Variants in PITPNM3 observed in about 807,000 individuals in gnomAD.
The protein encoded by PITPNM3 is PITPNM family member 3.
Under a neutral mutation model 102.0 loss-of-function variants are expected in PITPNM3, and 26 were observed. That is an observed-to-expected ratio of 0.25 (90% confidence interval 0.19 to 0.35). The LOEUF (loss-of-function observed/expected upper bound fraction) is 0.35, where lower values mean the gene tolerates loss of function less well. Ranked by LOEUF, PITPNM3 falls within the 10% of genes least tolerant of loss-of-function variation. The pLI is 1.00. For synonymous variants in PITPNM3, 578 were observed against 558.6 expected (o/e 1.03, Z -0.49); for missense variants, 1,083 against 1,346.1 (o/e 0.80, Z 3.06).
intron 3 of PITPNM3, among the ~76,000 whole-genome samples, chr17:6,511,815 C>G (rs897663176): frequency 1.3e-5 from 2 of 152,118 alleles, no homozygotes; most frequent in African/African-American, 4.8e-5. Context: ...AACCCCATCT[C>G]TACTAAAAAT....
At chr17:6,524,609 C>A (rs777019870) in intron 3 of PITPNM3, among the ~76,000 whole-genome samples, 1 of 152,276 alleles carries the variant, frequency 6.6e-6, no homozygotes, top group South Asian at 2.1e-4. Flanking sequence ...CCCTCTCCTG[C>A]CTCCTGAAAG....
chr17:6,453,011 T>TCTCTGCCTTCCTGTCTTTCTCTCTCC lies in PITPNM3; in HGVS notation c.*2326_*2327insGGAGAGAGAAAGACAGGAAGGCAGAG, dbSNP rs1567655020. On this transcript the variant is annotated 3_prime_UTR_variant, in exon 20 of 20. Transcript: ENST00000262483. ...CTCTCTCTGTCTTCCTTTCTCTCTC[T>TCTCTGCCTTCCTGTCTTTCTCTCTCC]CTCTCTCTCTCTGCCTTCCTGTCTT... 7.8e-6 allele frequency: 1 copy of TCTCTGCCTTCCTGTCTTTCTCTCTCC among 128,720 alleles called. No individual in the cohort carries two copies. The highest frequency in any genetic ancestry group is 2.8e-5 in the African/African-American group (1 of 36,132). 8.0% of individuals were successfully genotyped at this position (128,720 alleles called of 1,614,324 possible). A position where few individuals can be genotyped will look rare whatever the true frequency, so the allele number is the denominator to read the frequency against.
At chr17:6,502,050 T>C (rs376390405) in intron 4 of PITPNM3, among the ~76,000 whole-genome samples, 1 of 152,252 alleles carries the variant, frequency 6.6e-6, no homozygotes, top group Non-Finnish European at 1.5e-5. Context: ...CATGGCCTGA[T>C]GCCCTTATGG....
chr17:6,505,029 C>A (rs2150610599), intron 3 of PITPNM3, among the ~76,000 whole-genome samples: 1 of 151,934 alleles, frequency 6.6e-6, no homozygotes, highest in African/African-American at 2.4e-5. Context: ...CAAAAACTAG[C>A]CAGGCGTGGT....
At chr17:6,480,679 A>T (rs1905614052) in intron 6 of PITPNM3, 1 of 152,380 alleles carries the variant, frequency 6.6e-6, no homozygotes, top group Non-Finnish European at 1.5e-5. Flanking sequence ...CCCCTGACTG[A>T]AAGTTCCAAA....
At chr17:6,493,510 G>A (rs1906620055) in intron 4 of PITPNM3, among the ~76,000 whole-genome samples, 1 of 152,248 alleles carries the variant, frequency 6.6e-6, no homozygotes, top group Non-Finnish European at 1.5e-5. Flanking sequence ...AGAGTGACCT[G>A]TGCTGACCTG....
At chr17:6,513,367 C>T (rs997226014) in intron 3 of PITPNM3, among the ~76,000 whole-genome samples, 1 of 152,088 alleles carries the variant, frequency 6.6e-6, no homozygotes, top group African/African-American at 2.4e-5. Flanking sequence ...GTAAAACTAC[C>T]TATTCAAAGA....
chr17:6,507,421 T>C (rs1907594158), intron 3 of PITPNM3, among the ~76,000 whole-genome samples: 3 of 151,760 alleles, frequency 2.0e-5, no homozygotes, highest in African/African-American at 7.3e-5. Flanking sequence ...CCGTCTCTAC[T>C]AAAAATACAA....
At chr17:6,495,527 C>G (rs972678650) in intron 4 of PITPNM3, among the ~76,000 whole-genome samples, 1 of 152,188 alleles carries the variant, frequency 6.6e-6, no homozygotes, top group African/African-American at 2.4e-5. Flanking sequence ...CATAAGAAGA[C>G]CTGGCCATCC....
In PITPNM3 at chr17:6,462,736, T is replaced by C. The variant is rs566866088; in HGVS notation, c.2306+996A>G. Among the ~76,000 whole-genome samples the C allele has an allele frequency of 9.8e-5, 15 of 152,348 alleles. No individual in the cohort carries two copies. In the South Asian group the frequency reaches 3.1e-3, roughly 32 times the overall value. On this transcript the variant is annotated intron_variant, in intron 17 of 19. Coordinates refer to ENST00000262483, the MANE Select transcript of PITPNM3 (RefSeq NM_031220.4). Reference sequence around the variant, plus strand: ...GATGGGGAGTTCTAAAACTGGATGATGATCTGAGGGATCTGGGGATGCTCT... The same window carrying C: ...GATGGGGAGTTCTAAAACTGGATGACGATCTGAGGGATCTGGGGATGCTCT...
intron 12 of PITPNM3, 40 bp downstream of exon 12, chr17:6,471,120 TC>T: frequency 6.2e-7 from 1 of 1,606,974 alleles, no homozygotes. Flanking sequence ...AAGGTTCCCC[TC>T]CCCCGAATCC....
At position 6,544,396 on chromosome 17, in the gene PITPNM3, G is replaced by C. The variant is rs1909895629; in HGVS notation, c.23-6314C>G. On this transcript the variant is annotated intron_variant, in intron 1 of 19. Coordinates refer to ENST00000262483, the MANE Select transcript of PITPNM3 (RefSeq NM_031220.4). ...AAAGTAAAAAAACAAGCCTGGCAGG[G>C]TAGCATGTGCCTATAGTCCCAGGTA... 2.0e-5 allele frequency among the ~76,000 whole-genome samples: 3 copies of C among 152,164 alleles called. No individual in the cohort carries two copies. In the South Asian group the frequency reaches 6.2e-4, roughly 32 times the overall value.
rs974479108 is a variant in PITPNM3 at position 6,474,751 on chromosome 17, C to A, written c.1086-147G>T. ...CGGGGCTGAGAGTCCACCGGCTGCA[C>A]ACCACCTACAGTCAGCACTGGCCAC... On this transcript the variant is annotated intron_variant, in intron 9 of 19. Coordinates refer to ENST00000262483, the MANE Select transcript of PITPNM3 (RefSeq NM_031220.4). 14 of 993,248 alleles carry A rather than the reference C, an allele frequency of 1.4e-5. No homozygotes were observed. In the African/African-American group the frequency reaches 1.9e-4, roughly 14 times the overall value. 61.5% of individuals were successfully genotyped at this position (993,248 alleles called of 1,614,324 possible).
chr17:6,520,448 C>T (rs1908443542), intron 3 of PITPNM3, among the ~76,000 whole-genome samples: 1 of 152,136 alleles, frequency 6.6e-6, no homozygotes, highest in Non-Finnish European at 1.5e-5. Flanking sequence ...GTAAAGAGAA[C>T]AGAGTGAATC....
chr17:6,457,538 A>T lies in PITPNM3; in HGVS notation c.2619+56T>A, dbSNP rs947650036. 18 of 1,609,244 alleles carry T rather than the reference A, an allele frequency of 1.1e-5. No individual in the cohort carries two copies. Among genetic ancestry groups the T allele is most frequent in the Non-Finnish European group, 1.4e-5 (17 of 1,177,482 alleles). ...AATGAATGAAGTGCTTACTCCCTCT[A>T]TCCCTTTCCCTGACCTCCCTCACAA... On this transcript the variant is annotated intron_variant, in intron 19 of 19. Transcript: ENST00000262483. The surrounding 1 kb of genome is among the most constrained non-coding windows in gnomAD (Gnocchi z 4.7).
intron 1 of PITPNM3, among the ~76,000 whole-genome samples, chr17:6,551,153 T>C (rs356040): frequency 0.48 from 73,376 of 151,610 alleles, 18,030 homozygotes; most frequent in East Asian, 0.69. Context: ...GTCAGGAGAT[T>C]GAGACCATCC....
chr17:6,511,845 G>C (rs1907882537), intron 3 of PITPNM3, among the ~76,000 whole-genome samples: 1 of 152,030 alleles, frequency 6.6e-6, no homozygotes, highest in Non-Finnish European at 1.5e-5. Flanking sequence ...ATTAGCCATG[G>C]GGGGCAGGAG....
chr17:6,505,218 A>ATATATATATAT (rs1555556418), intron 3 of PITPNM3, among the ~76,000 whole-genome samples: 1 of 145,984 alleles, frequency 6.9e-6, no homozygotes, highest in African/African-American at 2.5e-5. Flanking sequence ...ATATATATGT[A>ATATATATATAT]AAGCCTTCAG....
In PITPNM3 at chr17:6,464,247, G is replaced by A; in HGVS notation, c.2079C>T (p.Ser693=). 1 of 1,614,220 alleles carries A rather than the reference G, an allele frequency of 6.2e-7. No individual in the cohort carries two copies. The part of the protein sequence containing the change: ...WVHLDTEITN[S]SGRITYNVPR... ...GCACATTGTATGTGATGCGACCACTGCTGTTGGTGATCTCTGTGTCCAGGT... is the reference window on the plus strand; with the variant it reads ...GCACATTGTATGTGATGCGACCACTACTGTTGGTGATCTCTGTGTCCAGGT... Residue 693 remains serine, a synonymous_variant, in exon 16 of 20, where the codon AGC becomes AGT. Coordinates refer to ENST00000262483, the MANE Select transcript of PITPNM3 (RefSeq NM_031220.4).
Sources: gnomAD v4.1 joint callset for allele counts (sites outside exome capture counted in the v4.1 genomes callset) on GRCh38, gnomAD v4.1.1 for gene constraint, Gnocchi (gnomAD v3.1) non-coding constraint, MANE v1.5 for transcripts, NCBI Gene and HGNC (gene_info 2026-07-23, HGNC 2026-07-21) for gene names.